Variants in TENM2 observed in about 807,000 individuals in gnomAD.
TENM2 encodes teneurin-2.
Under a neutral mutation model 245.2 loss-of-function variants are expected in TENM2, and 52 were observed. The ratio of observed to expected loss-of-function variants is 0.21; its 90% confidence interval spans 0.17 to 0.27. The LOEUF (loss-of-function observed/expected upper bound fraction) is 0.27, where lower values mean the gene tolerates loss of function less well. Among genes scored for constraint, TENM2 ranks in the 10% least tolerant of loss-of-function variants. The pLI, the probability that TENM2 is intolerant of heterozygous loss-of-function variation, is 1.00. For missense variants in TENM2, 3,046 were observed against 3,666.8 expected, an observed-to-expected ratio of 0.83 and a Z score of 4.37; for synonymous variants, 1,363 against 1,438.9, an observed-to-expected ratio of 0.95 and a Z score of 1.19.
chr5:167,167,260 A>G, the TENM2 span, among the ~76,000 whole-genome samples: 1 of 152,146 alleles, frequency 6.6e-6, no homozygotes, highest in South Asian at 2.1e-4. Context: ...TCACAAGATA[A>G]AATTAGGTTA....
intron 13 of TENM2, among the ~76,000 whole-genome samples, chr5:168,178,892 C>T (rs1002583450): frequency 9.9e-5 from 15 of 151,976 alleles, no homozygotes; most frequent in Admixed American, 2.6e-4. Context: ...CAAGAGGCTT[C>T]GGGAGGCCGA....
chr5:168,132,475 G>A (rs1054864234), intron 12 of TENM2, among the ~76,000 whole-genome samples: 2 of 152,178 alleles, frequency 1.3e-5, no homozygotes, highest in African/African-American at 4.8e-5. Context: ...TGGTGTTTTA[G>A]CTCTGTGGGG....
intron 2 of TENM2, among the ~76,000 whole-genome samples, chr5:167,761,513 AT>A (rs755139362): frequency 7.2e-5 from 11 of 152,210 alleles, no homozygotes; most frequent in Non-Finnish European, 1.0e-4. Flanking sequence ...GAAAAAAAAA[AT>A]CATCCTAAAA....
chr5:168,004,517 G>GCGCGCACACACACA (rs898616203), intron 5 of TENM2, among the ~76,000 whole-genome samples: 11 of 132,152 alleles, frequency 8.3e-5, no homozygotes, highest in African/African-American at 2.7e-4. Context: ...GCGCGCGCGC[G>GCGCGCACACACACA]CACACACACA....
chr5:168,162,542 C>A, intron 12 of TENM2, 69 bp from the exon 15 acceptor site: 1 of 1,555,428 alleles, frequency 6.4e-7, no homozygotes, highest in Non-Finnish European at 8.8e-7. Flanking sequence ...CTCCCCTCTG[C>A]ATGGCTCCCC....
chr5:167,271,755 A>T, the TENM2 span, among the ~76,000 whole-genome samples: 15 of 152,178 alleles, frequency 9.9e-5, no homozygotes, highest in African/African-American at 3.6e-4. Context: ...AGGAACATGT[A>T]GCTCTGAAGC....
intron 2 of TENM2, among the ~76,000 whole-genome samples, chr5:167,763,966 G>A (rs753622799): frequency 1.1e-4 from 17 of 151,562 alleles, no homozygotes; most frequent in East Asian, 5.8e-4. Context: ...ATCTTTCTTC[G>A]TGGGAAGGTG....
At chr5:167,042,444 A>G in the TENM2 span, among the ~76,000 whole-genome samples, 14 of 152,310 alleles carry the variant, frequency 9.2e-5, no homozygotes, top group East Asian at 2.7e-3. Flanking sequence ...TGACTGAACT[A>G]TGTTCTTTCT....
chr5:167,077,899 T>A, the TENM2 span, among the ~76,000 whole-genome samples: 1 of 152,088 alleles, frequency 6.6e-6, no homozygotes, highest in Non-Finnish European at 1.5e-5. Context: ...TCCAGAGGTG[T>A]TTGTTGTATC....
At chr5:167,624,148 G>A (rs1348518532) in intron 2 of TENM2, among the ~76,000 whole-genome samples, 4 of 152,054 alleles carry the variant, frequency 2.6e-5, no homozygotes, top group African/African-American at 9.7e-5. Flanking sequence ...TAATACAATA[G>A]CAAACACATG....
intron 2 of TENM2, among the ~76,000 whole-genome samples, chr5:167,476,703 A>G (rs1002882594): frequency 6.6e-6 from 1 of 152,078 alleles, no homozygotes; most frequent in Non-Finnish European, 1.5e-5. Context: ...GATTCAAGCA[A>G]TTCTCCTGCC....
At chr5:168,137,793 C>A (rs1000569706) in intron 12 of TENM2, among the ~76,000 whole-genome samples, 2 of 152,182 alleles carry the variant, frequency 1.3e-5, no homozygotes, top group African/African-American at 2.4e-5. Context: ...ATGTTACTGT[C>A]AACTTCTTGC....
chr5:168,190,446 G>A, exon 14 of TENM2: 1 of 1,614,036 alleles, frequency 6.2e-7, no homozygotes, highest in South Asian at 1.1e-5. Context: ...AGCAGGGCCA[G>A]ACGGATTGGC....
At chr5:167,340,841 A>G (rs1758052503) in intron 1 of TENM2, among the ~76,000 whole-genome samples, 1 of 152,270 alleles carries the variant, frequency 6.6e-6, no homozygotes, top group South Asian at 2.1e-4. Flanking sequence ...GTTAGTTAAC[A>G]AAGTCAAGAC....
chr5:167,685,914 C>T (rs1309819739), intron 2 of TENM2, among the ~76,000 whole-genome samples: 4 of 152,178 alleles, frequency 2.6e-5, no homozygotes, highest in African/African-American at 7.2e-5. Context: ...AGGTAGTTAT[C>T]AGCATGTGGA....
the TENM2 span, among the ~76,000 whole-genome samples, chr5:166,987,094 C>T: frequency 6.6e-6 from 1 of 152,138 alleles, no homozygotes; most frequent in Non-Finnish European, 1.5e-5. Flanking sequence ...TAAGGCCACT[C>T]TAGGTATATG....
chr5:167,056,484 A>T, the TENM2 span, among the ~76,000 whole-genome samples: 8 of 146,178 alleles, frequency 5.5e-5, no homozygotes, highest in Non-Finnish European at 9.0e-5. Flanking sequence ...TATTATATAT[A>T]TTATACATAT....
At chr5:167,445,566 G>A (rs1489534115) in intron 2 of TENM2, among the ~76,000 whole-genome samples, 2 of 152,024 alleles carry the variant, frequency 1.3e-5, no homozygotes, top group Non-Finnish European at 2.9e-5. Context: ...TGTTTTAAAT[G>A]GAACTTGTAC....
In TENM2 at chr5:167,755,811, A is replaced by G. The variant is rs192346223; in HGVS notation, c.503-120175A>G. ...TTAGCATGCTGAACAGGTTTTTGTG[A>G]AACTCCTGGTGTCTTCTGCTGCAGG... On this transcript the variant is annotated intron_variant, in intron 2 of 28. Coordinates refer to ENST00000518659, the Ensembl canonical transcript of TENM2. 2.7e-4 allele frequency among the ~76,000 whole-genome samples: 41 copies of G among 152,278 alleles called. No homozygotes were observed. In the East Asian group the frequency reaches 7.5e-3, roughly 28 times the overall value.
Sources: gnomAD v4.1 joint callset for allele counts (sites outside exome capture counted in the v4.1 genomes callset) on GRCh38, gnomAD v4.1.1 for gene constraint, MANE v1.5 for transcripts, NCBI Gene and HGNC (gene_info 2026-07-23, HGNC 2026-07-21) for gene names.